WFDC9: variants seen among roughly 807,000 people sequenced by gnomAD.
WFDC9 encodes the protein protein WFDC9.
In WFDC9, 9 loss-of-function variants were observed where a neutral mutation model predicts 9.5. That is an observed-to-expected ratio of 0.95 (90% CI 0.57 to 1.65). WFDC9 has a LOEUF of 1.65. Ranked by LOEUF, WFDC9 falls within the 40% of genes most tolerant of loss-of-function variation. WFDC9 has a pLI of 0.00. For synonymous variants in WFDC9, 33 were observed against 32.3 expected (o/e 1.02, Z -0.07); for missense variants, 87 against 106.7 (o/e 0.82, Z 0.81).
At chr20:45,625,679 A>G (rs774244399) in intron 1 of WFDC9, among the ~76,000 whole-genome samples, 1 of 152,054 alleles carries the variant, frequency 6.6e-6, no homozygotes, top group African/African-American at 2.4e-5. Flanking sequence ...ATTATTCTGC[A>G]TATGGATATC....
chr20:45,618,330 T>G (rs1260276080), intron 1 of WFDC9, among the ~76,000 whole-genome samples: 1 of 152,246 alleles, frequency 6.6e-6, no homozygotes, highest in African/African-American at 2.4e-5. Flanking sequence ...GCAATAGAGC[T>G]GTTTTGCTTT....
intron 1 of WFDC9, among the ~76,000 whole-genome samples, chr20:45,618,914 G>A (rs1481929438): frequency 6.6e-6 from 1 of 152,150 alleles, no homozygotes; most frequent in Non-Finnish European, 1.5e-5. Flanking sequence ...TGTAAAACAT[G>A]CAACATCCAT....
chr20:45,631,057 C>G, intron 1 of WFDC9, 146 bp downstream of exon 1: 1 of 1,559,850 alleles, frequency 6.4e-7, no homozygotes, highest in Non-Finnish European at 8.7e-7. Flanking sequence ...TGCTTCCCAA[C>G]TCCTCTATCC....
At chr20:45,630,814 G>A in intron 1 of WFDC9, 3 of 1,506,344 alleles carry the variant, frequency 2.0e-6, no homozygotes, top group Non-Finnish European at 2.7e-6. Flanking sequence ...GCTTCAGCTT[G>A]AGAAAAATGT....
chr20:45,625,778 C>T (rs141543151), intron 1 of WFDC9, among the ~76,000 whole-genome samples: 2,038 of 136,534 alleles, frequency 0.015, 88 homozygotes, highest in Admixed American at 0.11. Context: ...TGGCTATCGA[C>T]GCATGGATTT....
At chr20:45,617,017 T>C (rs934364558) in intron 1 of WFDC9, among the ~76,000 whole-genome samples, 2 of 152,338 alleles carry the variant, frequency 1.3e-5, no homozygotes, top group South Asian at 2.1e-4. Flanking sequence ...CTTCTATCTA[T>C]GAAAGTTCTA....
At chr20:45,619,526 A>T (rs936153094) in intron 1 of WFDC9, among the ~76,000 whole-genome samples, 9 of 152,206 alleles carry the variant, frequency 5.9e-5, no homozygotes, top group African/African-American at 2.2e-4. Flanking sequence ...ACTAGAGAAA[A>T]GCTTTAAAGC....
At chr20:45,619,719 T>TGTA (rs1982052135) in intron 1 of WFDC9, among the ~76,000 whole-genome samples, 1 of 152,148 alleles carries the variant, frequency 6.6e-6, no homozygotes, top group Non-Finnish European at 1.5e-5. Context: ...AACATAAAGA[T>TGTA]GTAACATGCA....
chr20:45,630,139 T>C (rs1382910389), intron 1 of WFDC9, among the ~76,000 whole-genome samples: 1 of 152,174 alleles, frequency 6.6e-6, no homozygotes, highest in Non-Finnish European at 1.5e-5. Flanking sequence ...TCCTTCTCAA[T>C]ACTTAGAGAG....
chr20:45,629,542 A>T, intron 1 of WFDC9: 1 of 306,280 alleles, frequency 3.3e-6, no homozygotes, highest in Non-Finnish European at 6.0e-6. Flanking sequence ...GAAATAAATG[A>T]TATCTTTCAT....
rs574985128 is a variant in WFDC9, at chr20:45,610,249, G to A, written c.-58-10C>T. On this transcript the variant is annotated splice_polypyrimidine_tract_variant and intron_variant, in intron 2 of 4. Transcript: ENST00000326000. Reference sequence around the variant, plus strand: ...AAGTCTTTTCCCAATACTGCTAGACGTAGAAAATGGATTGAGGAGAACAGG... The same window carrying A: ...AAGTCTTTTCCCAATACTGCTAGACATAGAAAATGGATTGAGGAGAACAGG... The A allele has an allele frequency of 6.1e-5, 82 of 1,353,464 alleles. No homozygotes were observed. The highest frequency in any genetic ancestry group is 2.2e-4 in the Admixed American group (12 of 54,088). The allele number at this position is 1,353,464 out of a possible 1,614,324, so 83.8% of individuals were successfully genotyped here. A position where few individuals can be genotyped will look rare whatever the true frequency, so the allele number is the denominator to read the frequency against.
chr20:45,613,371 C>T (rs1219460554), intron 2 of WFDC9, among the ~76,000 whole-genome samples: 1 of 152,128 alleles, frequency 6.6e-6, no homozygotes, highest in Non-Finnish European at 1.5e-5. Flanking sequence ...AGAGGTAATA[C>T]TAGAAAAATT....
In WFDC9 at chr20:45,608,076, C is replaced by G; in HGVS notation, c.*34G>C. ...CACTCTTCTTAGACCAGATGGTCAT[C>G]CTTCAGCCCACAGTAGTGATCGGCC... On this transcript the variant is annotated 3_prime_UTR_variant, in exon 5 of 5. Coordinates refer to ENST00000326000, the MANE Select transcript of WFDC9 (RefSeq NM_147198.4). The G allele has an allele frequency of 6.2e-7, 1 of 1,613,106 alleles. No homozygotes were observed. Among genetic ancestry groups the G allele is most frequent in the Non-Finnish European group, 8.5e-7 (1 of 1,179,418 alleles).
At chr20:45,616,029 A>G (rs77158018) in intron 1 of WFDC9, among the ~76,000 whole-genome samples, 296 of 135,550 alleles carry the variant, frequency 2.2e-3, no homozygotes, top group South Asian at 2.8e-3. Flanking sequence ...GGGTTGGGGT[A>G]GCTGTGGCAA....
intron 2 of WFDC9, among the ~76,000 whole-genome samples, chr20:45,610,586 A>G (rs1981839680): frequency 6.6e-6 from 1 of 152,206 alleles, no homozygotes; most frequent in Non-Finnish European, 1.5e-5. Context: ...TGTAGTCATT[A>G]TTTTTATGAA....
intron 1 of WFDC9, among the ~76,000 whole-genome samples, chr20:45,627,292 G>T (rs6104254): frequency 1.3e-4 from 20 of 152,178 alleles, no homozygotes; most frequent in African/African-American, 4.8e-4. Context: ...ATGCTGTCTT[G>T]TTATTGTCTG....
At chr20:45,625,424 C>T (rs1051933933) in intron 1 of WFDC9, among the ~76,000 whole-genome samples, 1 of 152,066 alleles carries the variant, frequency 6.6e-6, no homozygotes, top group African/African-American at 2.4e-5. Flanking sequence ...TTCAATGTGT[C>T]GATTGTTTCC....
At chr20:45,617,892 A>C (rs527575866) in intron 1 of WFDC9, among the ~76,000 whole-genome samples, 1 of 152,048 alleles carries the variant, frequency 6.6e-6, no homozygotes, top group South Asian at 2.1e-4. Flanking sequence ...TCTTACCAGA[A>C]AGTAAGCTAG....
Position 45,608,603 on chromosome 20 carries a change from C to T in WFDC9, c.239+60G>A, listed in dbSNP as rs192707246. The T allele has an allele frequency of 3.3e-4, 515 of 1,546,176 alleles. 1 individual carries two copies. Among genetic ancestry groups the T allele is most frequent in the Non-Finnish European group, 4.3e-4 (491 of 1,149,180 alleles). ...GGGTGGCTGCGGTCTTTTGAATAGT[C>T]GGTAAGGACCAGTGATGAAGCATGC... On this transcript the variant is annotated intron_variant, in intron 4 of 4. Transcript: ENST00000326000.
Sources: allele counts gnomAD v4.1 joint callset (sites outside exome capture counted in the v4.1 genomes callset), GRCh38; gene constraint gnomAD v4.1.1; transcripts MANE v1.5; gene names NCBI Gene and HGNC (gene_info 2026-07-23, HGNC 2026-07-21).